The following PPP2R5C variants were observed in gnomAD, a reference collection of about 807,000 sequenced individuals.
PPP2R5C encodes serine/threonine-protein phosphatase 2A 56 kDa regulatory subunit gamma isoform.
A neutral mutation model predicts 68.9 loss-of-function variants in PPP2R5C; 7 were observed. The observed-to-expected ratio is 0.10, with a 90% confidence interval of 0.06 to 0.19. The LOEUF (loss-of-function observed/expected upper bound fraction) is 0.19. PPP2R5C is among the 10% of genes least tolerant of loss of function. The probability of loss-of-function intolerance (pLI) is 1.00; values close to 1 mark genes in which losing one functional copy is unlikely to be tolerated. For missense variants in PPP2R5C, 348 were observed against 641.3 expected, an observed-to-expected ratio of 0.54 and a Z score of 4.94; for synonymous variants, 210 against 222.2, an observed-to-expected ratio of 0.95 and a Z score of 0.49.
chr14:101,847,593 T>G (rs1191638383), intron 1 of PPP2R5C, among the ~76,000 whole-genome samples: 1 of 152,070 alleles, frequency 6.6e-6, no homozygotes, highest in African/African-American at 2.4e-5. Context: ...GTGCCTGGCG[T>G]GTATGTATGG....
chr14:101,793,470 G>T (rs1051756127), intron 3 of PPP2R5C, among the ~76,000 whole-genome samples: 1 of 152,224 alleles, frequency 6.6e-6, no homozygotes, highest in Non-Finnish European at 1.5e-5. Flanking sequence ...CAGCAAGGGC[G>T]ATCTCCACTT....
chr14:101,791,046 C>T (rs753749232), intron 3 of PPP2R5C, among the ~76,000 whole-genome samples: 3 of 152,182 alleles, frequency 2.0e-5, no homozygotes, highest in African/African-American at 7.2e-5. Context: ...CACCACTGCA[C>T]TCCAGCCTGG....
intron 1 of PPP2R5C, among the ~76,000 whole-genome samples, chr14:101,856,153 C>G (rs772480728): frequency 6.6e-6 from 1 of 152,162 alleles, no homozygotes; most frequent in African/African-American, 2.4e-5. Flanking sequence ...GCCAGTTGCT[C>G]TGTCATCTAG....
At chr14:101,816,573 A>G (rs946644149) in intron 1 of PPP2R5C, among the ~76,000 whole-genome samples, 1 of 152,120 alleles carries the variant, frequency 6.6e-6, no homozygotes, top group Non-Finnish European at 1.5e-5. Flanking sequence ...TGGAGTGCAG[A>G]ATGATGTTGG....
At chr14:101,871,538 C>T (rs957174488) in intron 2 of PPP2R5C, among the ~76,000 whole-genome samples, 6 of 152,240 alleles carry the variant, frequency 3.9e-5, no homozygotes, top group Admixed American at 2.6e-4. Flanking sequence ...CCACTGTGCC[C>T]GGCTGAGTCT....
At chr14:101,889,448 T>G (rs1474005524) in intron 5 of PPP2R5C, among the ~76,000 whole-genome samples, 1 of 152,232 alleles carries the variant, frequency 6.6e-6, no homozygotes, top group African/African-American at 2.4e-5. Context: ...GCCCGGTTTA[T>G]TCAGCAGACG....
At chr14:101,828,940 A>G (rs1263293400) in intron 1 of PPP2R5C, among the ~76,000 whole-genome samples, 1 of 152,188 alleles carries the variant, frequency 6.6e-6, no homozygotes, top group Non-Finnish European at 1.5e-5. Flanking sequence ...CGGCTTCTCA[A>G]AGTGCTGAGA....
chr14:101,908,558 G>C (rs1361523169), intron 10 of PPP2R5C, among the ~76,000 whole-genome samples: 2 of 152,110 alleles, frequency 1.3e-5, no homozygotes, highest in African/African-American at 4.8e-5. Context: ...ATTTGTAGTA[G>C]AGATGGGGTT....
intron 2 of PPP2R5C, among the ~76,000 whole-genome samples, chr14:101,862,034 T>A (rs1036248919): frequency 2.0e-5 from 3 of 152,150 alleles, no homozygotes; most frequent in Non-Finnish European, 4.4e-5. Flanking sequence ...CACCTCAGCC[T>A]CCTGAGTAGC....
intron 9 of PPP2R5C, among the ~76,000 whole-genome samples, chr14:101,902,218 C>T (rs750428584): frequency 2.0e-5 from 3 of 152,130 alleles, no homozygotes; most frequent in South Asian, 2.1e-4. Flanking sequence ...TGATAGACAA[C>T]GGGTGGCCAA....
rs2036799414 is a variant in PPP2R5C at position 101,765,425 on chromosome 14, A to T, written c.93+2455A>T. On this transcript the variant is annotated intron_variant, in intron 2 of 14. Coordinates refer to the PPP2R5C transcript ENST00000328724. ...GCTTCACTTCTAGTTCCACCCACTTACCAAATATGATTGACTCATGCAGGT... is the reference window on the plus strand; with the variant it reads ...GCTTCACTTCTAGTTCCACCCACTTTCCAAATATGATTGACTCATGCAGGT... 7 of 599,904 alleles carry T rather than the reference A, an allele frequency of 1.2e-5. No homozygotes were observed. In the South Asian group the frequency reaches 1.2e-4, roughly 10 times the overall value. 37.2% of individuals were successfully genotyped at this position (599,904 alleles called of 1,614,324 possible). A position where few individuals can be genotyped will look rare whatever the true frequency, so the allele number is the denominator to read the frequency against.
In PPP2R5C at chr14:101,888,003, C is replaced by T. The variant is rs2044636914; in HGVS notation, c.630-2234C>T. ...AAAAGGAAGAAGGAAAAGAACTGTC[C>T]TTATTTCTTCTTTCTTCTGCCTACA... On this transcript the variant is annotated intron_variant, in intron 5 of 13. Transcript: ENST00000334743. The surrounding 1 kb of genome is among the most constrained non-coding windows in gnomAD (Gnocchi z 5.6). 6.6e-6 allele frequency among the ~76,000 whole-genome samples: 1 copy of T among 152,096 alleles called. No homozygotes were observed. The highest frequency in any genetic ancestry group is 2.4e-5 in the African/African-American group (1 of 41,402).
At chr14:101,859,244 C>G (rs577205217) in intron 2 of PPP2R5C, among the ~76,000 whole-genome samples, 1 of 152,172 alleles carries the variant, frequency 6.6e-6, no homozygotes, top group African/African-American at 2.4e-5. Context: ...ATAAGCCAAC[C>G]AATAATTTTC....
At chr14:101,901,637 G>T in intron 8 of PPP2R5C, 82 bp from the exon 11 acceptor site, 1 of 1,429,798 alleles carries the variant, frequency 7.0e-7, no homozygotes, top group Non-Finnish European at 9.8e-7. Context: ...TGGGGCCACC[G>T]CAGTGAAAAC....
upstream of PPP2R5C, among the ~76,000 whole-genome samples, chr14:101,805,078 G>A (rs2039021945): frequency 6.6e-6 from 1 of 152,128 alleles, no homozygotes; most frequent in Non-Finnish European, 1.5e-5. Context: ...CTATTGTTGT[G>A]CACTGTTTTT....
rs1281658110 is a variant in PPP2R5C at position 101,819,095 on chromosome 14, G to GA, written c.94+9060dup. On this transcript the variant is annotated intron_variant, in intron 1 of 13. Coordinates refer to ENST00000334743, the Ensembl canonical transcript of PPP2R5C. Reference sequence around the variant, plus strand: ...GGGCTTCAAGGAAGAGGTGGGTGGTGAGGGTGTCTGTATATGTGTGTTTAC... The same window carrying GA: ...GGGCTTCAAGGAAGAGGTGGGTGGTGAAGGGTGTCTGTATATGTGTGTTTAC... The GA allele has an allele frequency of 2.0e-6, 3 of 1,527,906 alleles. No homozygotes were observed. The African/African-American group carries it at 4.1e-5, about 21-fold the overall frequency. 94.6% of individuals were successfully genotyped at this position (1,527,906 alleles called of 1,614,324 possible).
intron 1 of PPP2R5C, among the ~76,000 whole-genome samples, chr14:101,813,057 C>T (rs1290825473): frequency 6.6e-6 from 1 of 152,204 alleles, no homozygotes; most frequent in African/African-American, 2.4e-5. Flanking sequence ...AATCCTCACT[C>T]TCAGCTGTGT....
rs192383013 is a variant in PPP2R5C at position 101,922,181 on chromosome 14, C to G, written c.1444-2960C>G. ...TCATTCCAGATTGTGATGGTCAAAACAAAGAAAGAAATTTGGCAGCTGGGA... is the reference window on the plus strand; with the variant it reads ...TCATTCCAGATTGTGATGGTCAAAAGAAAGAAAGAAATTTGGCAGCTGGGA... On this transcript the variant is annotated intron_variant, in intron 13 of 13. Coordinates refer to ENST00000334743, the Ensembl canonical transcript of PPP2R5C. 6.7e-5 allele frequency: 66 copies of G among 985,324 alleles called. No individual in the cohort carries two copies. The African/African-American group carries it at 1.1e-3, about 16-fold the overall frequency. The allele number at this position is 985,324 out of a possible 1,614,324, so 61.0% of individuals were successfully genotyped here.
chr14:101,886,259 C>T (rs546007381), intron 5 of PPP2R5C, among the ~76,000 whole-genome samples: 4 of 144,326 alleles, frequency 2.8e-5, no homozygotes, highest in African/African-American at 5.2e-5. Flanking sequence ...CCAGCCTGGG[C>T]GACAGAGCAA....
Sources: gnomAD v4.1 joint callset for allele counts (sites outside exome capture counted in the v4.1 genomes callset) on GRCh38, gnomAD v4.1.1 for gene constraint, Gnocchi (gnomAD v3.1) non-coding constraint, MANE v1.5 for transcripts, NCBI Gene and HGNC (gene_info 2026-07-23, HGNC 2026-07-21) for gene names.